Variants in ARL9 observed in about 807,000 individuals in gnomAD.
The protein encoded by ARL9 is ADP-ribosylation factor-like protein 9.
ARL9 carries 14 observed loss-of-function variants against 27.0 expected under a neutral mutation model. That is an observed-to-expected ratio of 0.52 (90% CI 0.34 to 0.81). The LOEUF is 0.81. ARL9 is among the 30% of genes least tolerant of loss of function. The probability of loss-of-function intolerance (pLI) is 0.01; values close to 1 mark genes in which losing one functional copy is unlikely to be tolerated. For missense variants in ARL9, 294 were observed against 290.0 expected (o/e 1.01, Z -0.10); for synonymous variants, 106 against 108.7 (o/e 0.98, Z 0.15).
intron 1 of ARL9, among the ~76,000 whole-genome samples, chr4:56,508,936 G>A (rs1560695593): frequency 1.3e-5 from 2 of 152,050 alleles, no homozygotes; most frequent in Non-Finnish European, 1.5e-5. Context: ...CTAAACCAGC[G>A]CCATTGAAGA....
intron 3 of ARL9, among the ~76,000 whole-genome samples, chr4:56,520,293 G>A (rs1293236735): frequency 8.5e-5 from 13 of 152,068 alleles, no homozygotes; most frequent in South Asian, 6.2e-4. Context: ...GTGAACCACC[G>A]CACCTGGCTA....
Position 56,517,492 on chromosome 4 carries a change from G to A in ARL9, c.443-1186G>A, listed in dbSNP as rs144633355. ...CAATATGTTGTATATATATGTCAGT[G>A]TTACTATAAAAGTTTATTTCTGGGC... On this transcript the variant is annotated intron_variant, in intron 2 of 3. Transcript: ENST00000640821. 1.5e-4 allele frequency among the ~76,000 whole-genome samples: 23 copies of A among 152,272 alleles called. No homozygotes were observed. In the East Asian group the frequency reaches 4.2e-3, roughly 28 times the overall value.
intron 3 of ARL9, among the ~76,000 whole-genome samples, chr4:56,522,905 T>C (rs1385185255): frequency 6.6e-6 from 1 of 152,136 alleles, no homozygotes; most frequent in African/African-American, 2.4e-5. Flanking sequence ...CTCCCCAAAA[T>C]TGGTTGAGGA....
chr4:56,517,093 A>G (rs1227793824), intron 2 of ARL9, among the ~76,000 whole-genome samples: 1 of 152,214 alleles, frequency 6.6e-6, no homozygotes, highest in South Asian at 2.1e-4. Flanking sequence ...TCTTGCTTGT[A>G]TGGACCTCAG....
At chr4:56,516,408 G>A (rs1406991788) in intron 2 of ARL9, among the ~76,000 whole-genome samples, 4 of 151,662 alleles carry the variant, frequency 2.6e-5, no homozygotes, top group African/African-American at 9.7e-5. Context: ...ACAAAATAGG[G>A]GAAGATACAT....
Position 56,511,329 on chromosome 4 carries a change from C to A in ARL9, c.424C>A (p.Gln142Lys), listed in dbSNP as rs1243584433. ...AGTTTGCATCAACACTGAAGACAGC[C>A]AGATGGAGTTCCTGGAGAGTAAGCT... ...HAVCINTEDS[Q>K]MEFLEIGGSK... Residue 142 changes from glutamine to lysine, a missense_variant, in exon 2 of 4, where the codon CAG becomes AAG. Gln to Lys is a moderately conservative substitution (Grantham distance 53). Coordinates refer to ENST00000640821, the MANE Select transcript of ARL9 (RefSeq NM_001363794.2). 1 of 1,613,232 alleles carries A rather than the reference C, an allele frequency of 6.2e-7. No individual in the cohort carries two copies. Among genetic ancestry groups the A allele is most frequent in the Admixed American group, 1.7e-5 (1 of 59,910 alleles).
intron 1 of ARL9, among the ~76,000 whole-genome samples, chr4:56,507,754 A>G (rs1721507189): frequency 1.3e-5 from 2 of 151,702 alleles, no homozygotes. Flanking sequence ...TGGGTGGATC[A>G]CCTGAGGTCA....
chr4:56,511,275 A>C lies in ARL9; in HGVS notation c.370A>C (p.Ser124Arg), dbSNP rs757764812. ...HSLASNRVQHSVAPTQGFHAV... is the reference protein window; with the variant it reads ...HSLASNRVQHRVAPTQGFHAV... ...TCTAGCTTCAAACAGAGTCCAGCAC[A>C]GTGTGGCACCCACCCAAGGTTTCCA... The change falls in exon 2 of 4, where the codon AGT becomes CGT. Residue 124 changes from serine to arginine, a missense_variant. Transcript: ENST00000640821. 2 of 1,613,774 alleles carry C rather than the reference A, an allele frequency of 1.2e-6. No homozygotes were observed. Among genetic ancestry groups the C allele is most frequent in the African/African-American group, 2.7e-5 (2 of 74,944 alleles).
chr4:56,506,210 C>A, intron 1 of ARL9, 69 bp downstream of exon 1: 3 of 1,228,972 alleles, frequency 2.4e-6, no homozygotes, highest in South Asian at 4.1e-5. Flanking sequence ...CCAGCGCTGT[C>A]TCTGTTACGT....
chr4:56,505,738 G>A (rs1393649766), upstream of ARL9: 5 of 1,395,856 alleles, frequency 3.6e-6, no homozygotes, highest in Non-Finnish European at 3.7e-6. Flanking sequence ...AGCGCCCGCG[G>A]GTTGTCTACG....
chr4:56,505,528 C>A (rs144645569), upstream of ARL9: 16,709 of 518,618 alleles, frequency 0.032, 351 homozygotes, highest in Middle Eastern at 0.044. Flanking sequence ...GCTAGGGACG[C>A]TTTTTCTGCA....
upstream of ARL9, chr4:56,505,280 C>A (rs1220967933): frequency 2.5e-6 from 1 of 406,260 alleles, no homozygotes; most frequent in Non-Finnish European, 5.0e-6. Flanking sequence ...ACACTCCTAG[C>A]GGAGTTTACT....
At chr4:56,513,905 C>T (rs1405085418) in intron 2 of ARL9, among the ~76,000 whole-genome samples, 2 of 152,154 alleles carry the variant, frequency 1.3e-5, no homozygotes, top group Non-Finnish European at 2.9e-5. Context: ...CATGGTGGCT[C>T]ACACCTGTAA....
chr4:56,506,252 A>T, intron 1 of ARL9, 111 bp downstream of exon 1: 2 of 1,070,604 alleles, frequency 1.9e-6, no homozygotes, highest in Non-Finnish European at 2.4e-6. Context: ...GAGCGAATGG[A>T]TCTCAACTGA....
chr4:56,508,052 T>C (rs1298487295), intron 1 of ARL9, among the ~76,000 whole-genome samples: 1 of 151,730 alleles, frequency 6.6e-6, no homozygotes, highest in Non-Finnish European at 1.5e-5. Context: ...TATTAAAATG[T>C]GGAATGTGGG....
chr4:56,520,145 G>A (rs1260878256), intron 3 of ARL9, among the ~76,000 whole-genome samples: 1 of 152,146 alleles, frequency 6.6e-6, no homozygotes, highest in Non-Finnish European at 1.5e-5. Flanking sequence ...TGGGACTACA[G>A]GCACATGCCA....
At chr4:56,520,089 G>A (rs1029395871) in intron 3 of ARL9, among the ~76,000 whole-genome samples, 1 of 151,290 alleles carries the variant, frequency 6.6e-6, no homozygotes, top group East Asian at 1.9e-4. Context: ...CACAACCTCC[G>A]CCTCCCAGGT....
intron 3 of ARL9, among the ~76,000 whole-genome samples, chr4:56,522,070 C>T (rs1441672512): frequency 2.0e-5 from 3 of 151,016 alleles, no homozygotes; most frequent in Non-Finnish European, 4.4e-5. Flanking sequence ...ACTGCAAGCT[C>T]CACCTCCCAG....
At chr4:56,512,762 G>A (rs113698245) in intron 2 of ARL9, among the ~76,000 whole-genome samples, 5,341 of 151,858 alleles carry the variant, frequency 0.035, 289 homozygotes, top group African/African-American at 0.12. Context: ...GGCTGGTCTC[G>A]AACTCCTGAC....
Sources: gnomAD v4.1 joint callset for allele counts (sites outside exome capture counted in the v4.1 genomes callset) on GRCh38, gnomAD v4.1.1 for gene constraint, MANE v1.5 for transcripts, NCBI Gene and HGNC (gene_info 2026-07-23, HGNC 2026-07-21) for gene names.